LDB2: variants seen among roughly 807,000 people sequenced by gnomAD.
LDB2 encodes the protein LIM domain binding 2, also known as LIM domain-binding protein 2.
Under a neutral mutation model 44.3 loss-of-function variants are expected in LDB2, and 12 were observed. The observed-to-expected ratio is 0.27, with a 90% confidence interval of 0.17 to 0.44. The LOEUF (loss-of-function observed/expected upper bound fraction) is 0.44, where lower values mean the gene tolerates loss of function less well. Among genes scored for constraint, LDB2 ranks in the 20% least tolerant of loss-of-function variants. The pLI, the probability that LDB2 is intolerant of heterozygous loss-of-function variation, is 1.00. For missense variants in LDB2, 344 were observed against 473.5 expected (o/e 0.73, Z 2.54); for synonymous variants, 164 against 174.8 (o/e 0.94, Z 0.49).
At chr4:16,736,115 G>GGCTTTCCTGGCTTTCACCTTCCT (rs1761861831) in intron 2 of LDB2, among the ~76,000 whole-genome samples, 1 of 152,086 alleles carries the variant, frequency 6.6e-6, no homozygotes, top group African/African-American at 2.4e-5. Flanking sequence ...TCCCACCTCC[G>GGCTTTCCTGGCTTTCACCTTCCT]GCTCTCTCAT....
intron 2 of LDB2, among the ~76,000 whole-genome samples, chr4:16,735,229 G>T (rs1378499470): frequency 6.6e-6 from 1 of 152,102 alleles, no homozygotes; most frequent in African/African-American, 2.4e-5. Context: ...GCAGTCCCCT[G>T]ATATGGTGGG....
At chr4:16,714,406 C>T (rs1756594079) in intron 2 of LDB2, among the ~76,000 whole-genome samples, 1 of 152,176 alleles carries the variant, frequency 6.6e-6, no homozygotes, top group Admixed American at 6.5e-5. Context: ...AGTGGCCTGG[C>T]ATTGTTCCCT....
At chr4:16,627,203 A>G (rs1243402327) in intron 2 of LDB2, among the ~76,000 whole-genome samples, 6 of 152,164 alleles carry the variant, frequency 3.9e-5, no homozygotes, top group African/African-American at 1.4e-4. Flanking sequence ...ACCCCACCAC[A>G]ATTCCACTTT....
intron 2 of LDB2, among the ~76,000 whole-genome samples, chr4:16,685,165 A>G (rs1271950058): frequency 6.6e-6 from 1 of 152,214 alleles, no homozygotes; most frequent in African/African-American, 2.4e-5. Context: ...CACTTCTATC[A>G]TAAACAGTTG....
At chr4:16,658,591 TC>T (rs1290617920) in intron 2 of LDB2, among the ~76,000 whole-genome samples, 3 of 152,082 alleles carry the variant, frequency 2.0e-5, no homozygotes, top group Non-Finnish European at 4.4e-5. Context: ...ATTTGAAAGC[TC>T]CTGATTTTTA....
chr4:16,588,629 A>G, intron 4 of LDB2, 81 bp downstream of exon 4: 1 of 1,410,030 alleles, frequency 7.1e-7, no homozygotes, highest in Non-Finnish European at 9.8e-7. Flanking sequence ...TTTCACAGAG[A>G]GAGGACTGGG....
At chr4:16,540,720 T>C (rs1391631897) in intron 5 of LDB2, among the ~76,000 whole-genome samples, 1 of 152,204 alleles carries the variant, frequency 6.6e-6, no homozygotes, top group Non-Finnish European at 1.5e-5. Flanking sequence ...ATTTTATTTT[T>C]TAAAAATCTA....
chr4:16,742,830 C>T (rs1763589482), intron 2 of LDB2, among the ~76,000 whole-genome samples: 1 of 152,180 alleles, frequency 6.6e-6, no homozygotes, highest in Non-Finnish European at 1.5e-5. Flanking sequence ...ACCTTCTTTG[C>T]CTCCCTTGGG....
chr4:16,518,559 C>T (rs1724764269), intron 5 of LDB2, among the ~76,000 whole-genome samples: 1 of 151,988 alleles, frequency 6.6e-6, no homozygotes, highest in African/African-American at 2.4e-5. Context: ...AAACTATGAC[C>T]TGTGGACTAA....
chr4:16,666,037 G>A (rs928645791), intron 2 of LDB2, among the ~76,000 whole-genome samples: 8 of 152,160 alleles, frequency 5.3e-5, no homozygotes, highest in East Asian at 1.9e-4. Context: ...CAACGCTGCC[G>A]ACACCTTGAT....
intron 2 of LDB2, among the ~76,000 whole-genome samples, chr4:16,622,527 C>T (rs1033197277): frequency 6.6e-6 from 1 of 152,186 alleles, no homozygotes; most frequent in Non-Finnish European, 1.5e-5. Flanking sequence ...AGAAGAACAA[C>T]AGCTATTGGC....
At chr4:16,664,290 T>C (rs1742414521) in intron 2 of LDB2, among the ~76,000 whole-genome samples, 1 of 152,170 alleles carries the variant, frequency 6.6e-6, no homozygotes, top group South Asian at 2.1e-4. Context: ...TGGCCCTCAC[T>C]AGACACCTAA....
intron 1 of LDB2, among the ~76,000 whole-genome samples, chr4:16,864,636 C>A (rs948550662): frequency 3.3e-5 from 5 of 152,084 alleles, no homozygotes; most frequent in Admixed American, 3.3e-4. Context: ...AAGAAATAGC[C>A]CATACCGGTT....
intron 1 of LDB2, among the ~76,000 whole-genome samples, chr4:16,825,352 G>T (rs2110004473): frequency 6.6e-6 from 1 of 152,230 alleles, no homozygotes; most frequent in Non-Finnish European, 1.5e-5. Context: ...GGTTTTCCAG[G>T]TTAATGACCC....
intron 1 of LDB2, among the ~76,000 whole-genome samples, chr4:16,800,051 G>A (rs760119152): frequency 6.6e-5 from 10 of 152,080 alleles, no homozygotes; most frequent in Non-Finnish European, 1.2e-4. Context: ...GGAAAAGACT[G>A]AGGTCCGGGA....
chr4:16,570,828 T>G (rs1406033547), intron 5 of LDB2, among the ~76,000 whole-genome samples: 2 of 152,200 alleles, frequency 1.3e-5, no homozygotes, highest in Non-Finnish European at 2.9e-5. Context: ...GCTTACTATG[T>G]GCCAGCTTTA....
At chr4:16,848,568 G>A (rs900911304) in intron 1 of LDB2, among the ~76,000 whole-genome samples, 1 of 152,100 alleles carries the variant, frequency 6.6e-6, no homozygotes, top group Non-Finnish European at 1.5e-5. Flanking sequence ...GCAGCCTAAG[G>A]ACATATTAAC....
rs577925549 is a variant in LDB2, at chr4:16,533,869, C to T, written c.616-21765G>A. 2.0e-5 allele frequency among the ~76,000 whole-genome samples: 3 copies of T among 152,218 alleles called. No individual in the cohort carries two copies. Among genetic ancestry groups the T allele is most frequent in the East Asian group, 1.9e-4 (1 of 5,190 alleles). ...TGCTTCCAGGCCAGTTCATGCCTACCGAAGTAAAAATCTTCATGCCAGTGA... is the reference window on the plus strand; with the variant it reads ...TGCTTCCAGGCCAGTTCATGCCTACTGAAGTAAAAATCTTCATGCCAGTGA... On this transcript the variant is annotated intron_variant, in intron 5 of 7. Coordinates refer to ENST00000304523, the MANE Select transcript of LDB2 (RefSeq NM_001290.5). This position sits in a 1 kb window ranked among gnomAD's most constrained non-coding sequence, Gnocchi z 4.1.
chr4:16,846,444 A>G (rs999693073), intron 1 of LDB2, among the ~76,000 whole-genome samples: 1 of 152,212 alleles, frequency 6.6e-6, no homozygotes, highest in African/African-American at 2.4e-5. Flanking sequence ...TCTTTAGCAG[A>G]ACAAGTTGCA....
Sources: gnomAD v4.1 joint callset for allele counts (sites outside exome capture counted in the v4.1 genomes callset) on GRCh38, gnomAD v4.1.1 for gene constraint, Gnocchi (gnomAD v3.1) non-coding constraint, MANE v1.5 for transcripts, NCBI Gene and HGNC (gene_info 2026-07-23, HGNC 2026-07-21) for gene names.